The following NLGN1 variants were observed in gnomAD, a reference collection of about 807,000 sequenced individuals.
NLGN1 encodes neuroligin 1.
Under a neutral mutation model 65.5 loss-of-function variants are expected in NLGN1, and 12 were observed. That is an observed-to-expected ratio of 0.18 (90% CI 0.12 to 0.30). The LOEUF is 0.30. Among genes scored for constraint, NLGN1 ranks in the 10% least tolerant of loss-of-function variants. The probability of loss-of-function intolerance (pLI) is 1.00; values close to 1 mark genes in which losing one functional copy is unlikely to be tolerated. For synonymous variants in NLGN1, 350 were observed against 359.5 expected, an observed-to-expected ratio of 0.97 and a Z score of 0.30; for missense variants, 750 against 1,007.1, an observed-to-expected ratio of 0.74 and a Z score of 3.46.
intron 2 of NLGN1, among the ~76,000 whole-genome samples, chr3:173,544,111 T>G (rs1178029003): frequency 1.3e-5 from 2 of 152,084 alleles, no homozygotes; most frequent in Non-Finnish European, 2.9e-5. Flanking sequence ...TGGAGTATTA[T>G]GTTGAATTGC....
At chr3:173,990,810 A>G (rs1238589036) in intron 4 of NLGN1, among the ~76,000 whole-genome samples, 2 of 152,208 alleles carry the variant, frequency 1.3e-5, no homozygotes, top group African/African-American at 4.8e-5. Context: ...ATATTTTAAA[A>G]GAAACAATTG....
At chr3:173,539,804 ATACATATATACATATGTT>A (rs1560407895) in intron 2 of NLGN1, among the ~76,000 whole-genome samples, 1 of 117,640 alleles carries the variant, frequency 8.5e-6, no homozygotes, top group African/African-American at 3.8e-5. Context: ...ATACATATAT[ATACATATATACATATGTT>A]ATATATGTAT....
chr3:173,605,321 A>G (rs563665349), intron 3 of NLGN1, among the ~76,000 whole-genome samples: 1 of 152,116 alleles, frequency 6.6e-6, no homozygotes, highest in East Asian at 1.9e-4. Flanking sequence ...ACGTATATTT[A>G]GGTAGAAATG....
chr3:173,940,121 T>C (rs1038071013), intron 4 of NLGN1, among the ~76,000 whole-genome samples: 16 of 129,956 alleles, frequency 1.2e-4, no homozygotes, highest in African/African-American at 4.4e-4. Context: ...GGAGTCTCGC[T>C]CTTGTTGCCG....
At chr3:173,844,395 G>A (rs1283409973) in intron 4 of NLGN1, among the ~76,000 whole-genome samples, 1 of 151,994 alleles carries the variant, frequency 6.6e-6, no homozygotes, top group African/African-American at 2.4e-5. Context: ...AGAATGTGTG[G>A]GTTTGTTTAT....
chr3:173,640,531 A>G (rs910549478), intron 3 of NLGN1, among the ~76,000 whole-genome samples: 5 of 152,124 alleles, frequency 3.3e-5, no homozygotes, highest in African/African-American at 1.2e-4. Flanking sequence ...AATGACTTTC[A>G]CCGTAAGGCT....
intron 3 of NLGN1, among the ~76,000 whole-genome samples, chr3:173,616,681 T>A (rs1753151678): frequency 6.6e-6 from 1 of 152,098 alleles, no homozygotes; most frequent in Admixed American, 6.6e-5. Flanking sequence ...GTGCACGCTC[T>A]CCTTCCTTCT....
chr3:173,714,302 G>A (rs1021394625), intron 3 of NLGN1, among the ~76,000 whole-genome samples: 2 of 152,032 alleles, frequency 1.3e-5, no homozygotes, highest in African/African-American at 4.8e-5. Flanking sequence ...TCTAAAGTTG[G>A]GGCCACTACT....
At chr3:174,292,178 A>G in the NLGN1 span, among the ~76,000 whole-genome samples, 4 of 151,340 alleles carry the variant, frequency 2.6e-5, no homozygotes, top group African/African-American at 9.7e-5. Context: ...AAGTGTAACT[A>G]TCAGAATGAA....
chr3:173,845,479 ATC>A (rs1422883938), intron 4 of NLGN1, among the ~76,000 whole-genome samples: 1 of 152,192 alleles, frequency 6.6e-6, no homozygotes, highest in African/African-American at 2.4e-5. Flanking sequence ...GCAATGAGAA[ATC>A]TCTGTTGTGG....
At chr3:173,681,119 A>G (rs1054393936) in intron 3 of NLGN1, among the ~76,000 whole-genome samples, 17 of 152,210 alleles carry the variant, frequency 1.1e-4, no homozygotes, top group African/African-American at 3.4e-4. Flanking sequence ...AACTTTGTAT[A>G]GATTGAGTCT....
At chr3:173,690,994 A>C (rs562480604) in intron 3 of NLGN1, among the ~76,000 whole-genome samples, 1 of 152,250 alleles carries the variant, frequency 6.6e-6, no homozygotes, top group Non-Finnish European at 1.5e-5. Context: ...TTCTAGGTAG[A>C]ATATATTAAG....
rs1156712311 is a variant in NLGN1 at position 174,061,391 on chromosome 3, G to A, written c.647-213924G>A. On this transcript the variant is annotated intron_variant, in intron 4 of 6. Transcript: ENST00000457714. ...ATATTTTTAACAGAGTACAAGGAAA[G>A]TCATTACACTCAGAGGAAAGCCAGT... Among the ~76,000 whole-genome samples the A allele has an allele frequency of 7.2e-5, 11 of 152,114 alleles. 1 individual carries two copies. The highest frequency in any genetic ancestry group is 1.6e-4 in the Non-Finnish European group (11 of 68,012).
intron 4 of NLGN1, among the ~76,000 whole-genome samples, chr3:173,816,360 GCTAA>G (rs1311432512): frequency 1.2e-4 from 18 of 152,308 alleles, no homozygotes; most frequent in African/African-American, 4.1e-4. Flanking sequence ...GAGTAGAGAG[GCTAA>G]CTAATGTATT....
intron 4 of NLGN1, among the ~76,000 whole-genome samples, chr3:174,003,239 AGG>A (rs759175191): frequency 1.4e-4 from 22 of 152,168 alleles, no homozygotes; most frequent in Non-Finnish European, 2.6e-4. Context: ...ACTATTGCAA[AGG>A]TTATTTTCTT....
At chr3:174,066,564 C>CTCTCTCTCTCTCTCTCTCTG (rs1553925385) in intron 4 of NLGN1, among the ~76,000 whole-genome samples, 1 of 100,052 alleles carries the variant, frequency 1.0e-5, no homozygotes, top group Non-Finnish European at 1.9e-5. Context: ...CTCTCTCTCT[C>CTCTCTCTCTCTCTCTCTCTG]TGTGTGTGTG....
chr3:173,639,734 C>T (rs1315086554), intron 3 of NLGN1, among the ~76,000 whole-genome samples: 1 of 152,114 alleles, frequency 6.6e-6, no homozygotes, highest in Non-Finnish European at 1.5e-5. Context: ...TTAATGAGTT[C>T]ACAACTGGAA....
chr3:173,741,768 C>T (rs1774686762), intron 3 of NLGN1, among the ~76,000 whole-genome samples: 1 of 152,126 alleles, frequency 6.6e-6, no homozygotes, highest in Non-Finnish European at 1.5e-5. Context: ...GCTGGGATTA[C>T]AGGCGTGAGC....
At chr3:173,582,999 A>C (rs1030499003) in intron 2 of NLGN1, among the ~76,000 whole-genome samples, 6 of 152,118 alleles carry the variant, frequency 3.9e-5, no homozygotes, top group Non-Finnish European at 8.8e-5. Context: ...ATCTTCCCTC[A>C]GTGCTTTCTG....
Sources: gnomAD v4.1 joint callset for allele counts (sites outside exome capture counted in the v4.1 genomes callset) on GRCh38, gnomAD v4.1.1 for gene constraint, MANE v1.5 for transcripts, NCBI Gene and HGNC (gene_info 2026-07-23, HGNC 2026-07-21) for gene names.